Variants in SIPA1L2 observed in about 807,000 individuals in gnomAD.
The protein encoded by SIPA1L2 is signal-induced proliferation-associated 1-like protein 2.
In SIPA1L2, 56 loss-of-function variants were observed where a neutral mutation model predicts 163.9. The observed-to-expected ratio is 0.34, with a 90% CI of 0.28 to 0.43. The LOEUF (loss-of-function observed/expected upper bound fraction) is 0.43, where lower values mean the gene tolerates loss of function less well. Ranked by LOEUF, SIPA1L2 falls within the 20% of genes least tolerant of loss-of-function variation. SIPA1L2 has a pLI of 1.00. For missense variants in SIPA1L2, 1,974 were observed against 2,193.5 expected, an observed-to-expected ratio of 0.90 and a Z score of 2.00; for synonymous variants, 877 against 865.7, an observed-to-expected ratio of 1.01 and a Z score of -0.23.
intron 7 of SIPA1L2, among the ~76,000 whole-genome samples, chr1:232,472,433 G>A (rs1031122907): frequency 1.3e-5 from 2 of 152,194 alleles, no homozygotes; most frequent in South Asian, 2.1e-4. Flanking sequence ...GCCAGGCAAA[G>A]GAGGTACCCA....
At chr1:232,455,571 C>T (rs1663848133) in intron 10 of SIPA1L2, among the ~76,000 whole-genome samples, 1 of 151,916 alleles carries the variant, frequency 6.6e-6, no homozygotes, top group Non-Finnish European at 1.5e-5. Context: ...GGCCCAGCTA[C>T]TCGGAAGGCT....
chr1:232,451,283 C>T (rs1381355182), intron 10 of SIPA1L2, among the ~76,000 whole-genome samples: 3 of 152,090 alleles, frequency 2.0e-5, no homozygotes, highest in African/African-American at 7.2e-5. Context: ...GACAAATGAG[C>T]CTGGAGAAGT....
At chr1:232,483,529 T>C (rs768119591) in intron 6 of SIPA1L2, among the ~76,000 whole-genome samples, 1 of 152,184 alleles carries the variant, frequency 6.6e-6, no homozygotes, top group Non-Finnish European at 1.5e-5. Flanking sequence ...TAAACAATTC[T>C]TCATGAAACA....
intron 1 of SIPA1L2, among the ~76,000 whole-genome samples, chr1:232,602,024 C>G (rs1293558001): frequency 1.3e-5 from 2 of 152,062 alleles, no homozygotes; most frequent in Non-Finnish European, 2.9e-5. Flanking sequence ...AGACCATGCC[C>G]TTGAGAAAAG....
Position 232,514,538 on chromosome 1 carries a change from G to A in SIPA1L2, c.802C>T (p.Leu268Phe). ...TTGTCCCTGTCTCTCCCCATCAGGA[G>A]GGCACTGTCCACATAATCTAATCCT... ...ISGLDYVDSA[L>F]LMGRDRDKPF... The change falls in exon 3 of 23, where the codon CTC becomes TTC. Residue 268 changes from leucine (L) to phenylalanine (F), a missense_variant. Physicochemically the swap from Leu to Phe is conservative, Grantham distance 22 (BLOSUM62 0). Transcript: ENST00000674635. 1 of 1,614,144 alleles carries A rather than the reference G, an allele frequency of 6.2e-7. No homozygotes were observed. The highest frequency in any genetic ancestry group is 8.5e-7 in the Non-Finnish European group (1 of 1,180,024).
chr1:232,474,314 T>C (rs1664931376), intron 7 of SIPA1L2, among the ~76,000 whole-genome samples: 1 of 152,234 alleles, frequency 6.6e-6, no homozygotes, highest in South Asian at 2.1e-4. Flanking sequence ...TTCTACTAAA[T>C]TTCTAACACT....
intron 19 of SIPA1L2, among the ~76,000 whole-genome samples, chr1:232,414,335 G>C (rs1006755082): frequency 6.6e-6 from 1 of 152,134 alleles, no homozygotes; most frequent in Non-Finnish European, 1.5e-5. Context: ...GCTGGGTAGA[G>C]CGAAGCCACC....
intron 19 of SIPA1L2, among the ~76,000 whole-genome samples, chr1:232,409,848 T>G (rs1237259206): frequency 3.9e-5 from 6 of 152,168 alleles, no homozygotes; most frequent in Non-Finnish European, 8.8e-5. Flanking sequence ...TAATAAGCTA[T>G]TGTTGTTTTT....
chr1:232,486,160 G>A (rs901123045), intron 5 of SIPA1L2, among the ~76,000 whole-genome samples: 2 of 152,162 alleles, frequency 1.3e-5, no homozygotes, highest in Non-Finnish European at 2.9e-5. Flanking sequence ...AGGAGTCCTG[G>A]AGTAGAGCTG....
At chr1:232,408,025 C>T (rs1269255407) in intron 19 of SIPA1L2, among the ~76,000 whole-genome samples, 1 of 152,172 alleles carries the variant, frequency 6.6e-6, no homozygotes, top group Non-Finnish European at 1.5e-5. Context: ...CCAAACTTGA[C>T]ATGATTCTAC....
chr1:232,611,138 A>G (rs921816302), intron 1 of SIPA1L2, among the ~76,000 whole-genome samples: 2 of 151,874 alleles, frequency 1.3e-5, no homozygotes, highest in Admixed American at 6.6e-5. Flanking sequence ...CATCTTCCTC[A>G]TTTTCTCCTG....
At chr1:232,436,643 G>C (rs1200077619) in intron 15 of SIPA1L2, among the ~76,000 whole-genome samples, 1 of 152,166 alleles carries the variant, frequency 6.6e-6, no homozygotes, top group African/African-American at 2.4e-5. Flanking sequence ...CCCCAGCTGG[G>C]GTTGGCATTT....
At position 232,630,054 on chromosome 1, in the gene SIPA1L2, G is replaced by A. The variant is rs1573201480; in HGVS notation, c.-504C>T. The stretch of plus-strand genomic sequence containing the variant: ...GGCTGGAGCTCTCGGCCTGCGCTCG[G>A]GCGGCCGGCGGGGGCGCGGTGCTCC... On this transcript the variant is annotated 5_prime_UTR_variant, in exon 1 of 23. Coordinates refer to ENST00000674635, the MANE Select transcript of SIPA1L2 (RefSeq NM_020808.5). 6.7e-6 allele frequency among the ~76,000 whole-genome samples: 1 copy of A among 150,110 alleles called. No homozygotes were observed. The highest frequency in any genetic ancestry group is 2.4e-5 in the African/African-American group (1 of 41,198).
At chr1:232,541,677 C>T (rs1657687953) in intron 2 of SIPA1L2, among the ~76,000 whole-genome samples, 1 of 151,994 alleles carries the variant, frequency 6.6e-6, no homozygotes, top group Non-Finnish European at 1.5e-5. Flanking sequence ...TCATTTGATG[C>T]TTTTTACTGA....
rs145743765 is a variant in SIPA1L2, at chr1:232,430,351, A to G, written c.4257-1787T>C. Among the ~76,000 whole-genome samples, 77 of 152,362 alleles carry G rather than the reference A, an allele frequency of 5.1e-4. No individual in the cohort carries two copies. The East Asian group carries it at 0.014, about 27-fold the overall frequency. ...TGGGTGCACAGAAGCCTGAGACAGA[A>G]CTGCTCATTCGCTGATATTATTTAA... On this transcript the variant is annotated intron_variant, in intron 16 of 22. Transcript: ENST00000674635.
chr1:232,541,298 T>TAACATAACAG (rs748182999), intron 2 of SIPA1L2, among the ~76,000 whole-genome samples: 1 of 146,996 alleles, frequency 6.8e-6, no homozygotes. Context: ...TAACATAACA[T>TAACATAACAG]AACAGAATAT....
chr1:232,410,545 A>AATATAT (rs35712001), intron 19 of SIPA1L2, among the ~76,000 whole-genome samples: 13 of 148,934 alleles, frequency 8.7e-5, no homozygotes, highest in East Asian at 4.0e-4. Flanking sequence ...TGAATTTCAA[A>AATATAT]ATATATATAT....
intron 2 of SIPA1L2, among the ~76,000 whole-genome samples, chr1:232,550,817 T>C (rs1015145886): frequency 6.6e-6 from 1 of 152,100 alleles, no homozygotes; most frequent in Non-Finnish European, 1.5e-5. Flanking sequence ...TTATTTAAAA[T>C]AGTCATGACT....
At chr1:232,506,551 C>A (rs7533227) in intron 3 of SIPA1L2, among the ~76,000 whole-genome samples, 1 of 151,976 alleles carries the variant, frequency 6.6e-6, no homozygotes, top group African/African-American at 2.4e-5. Flanking sequence ...AGCCAAAAAA[C>A]GGTTAAATTG....
Sources: allele counts gnomAD v4.1 joint callset (sites outside exome capture counted in the v4.1 genomes callset), GRCh38; gene constraint gnomAD v4.1.1; transcripts MANE v1.5; gene names NCBI Gene and HGNC (gene_info 2026-07-23, HGNC 2026-07-21).